Variants in PLCB1 observed in about 807,000 individuals in gnomAD.
The protein encoded by PLCB1 is phospholipase C beta 1, also known as 1-phosphatidylinositol 4,5-bisphosphate phosphodiesterase beta-1.
Under a neutral mutation model 161.8 loss-of-function variants are expected in PLCB1, and 46 were observed. That is an observed-to-expected ratio of 0.28 (90% CI 0.22 to 0.36). The LOEUF (loss-of-function observed/expected upper bound fraction) is 0.36. Ranked by LOEUF, PLCB1 falls within the 10% of genes least tolerant of loss-of-function variation. PLCB1 has a pLI of 1.00. For missense variants in PLCB1, 1,016 were observed against 1,472.5 expected (o/e 0.69, Z 5.07); for synonymous variants, 517 against 503.7 (o/e 1.03, Z -0.35).
At chr20:8,594,075 G>T (rs942849815) in intron 3 of PLCB1, among the ~76,000 whole-genome samples, 2 of 151,990 alleles carry the variant, frequency 1.3e-5, no homozygotes, top group Admixed American at 1.3e-4. Context: ...TATAGACAGG[G>T]TCTTGCTATA....
At chr20:8,362,071 T>C (rs1015023918) in intron 2 of PLCB1, among the ~76,000 whole-genome samples, 1 of 152,222 alleles carries the variant, frequency 6.6e-6, no homozygotes, top group South Asian at 2.1e-4. Flanking sequence ...TGATTTTTTT[T>C]AACTCTGAGT....
rs149588747 is a variant in PLCB1, at chr20:8,824,095, G to A, written c.3423+33834G>A. On this transcript the variant is annotated intron_variant, in intron 31 of 31. Transcript: ENST00000338037. ...AGCATTCAGACTGTCCATGCTACAT[G>A]TAGGATAACCAACAAACAAAATTGC... Among the ~76,000 whole-genome samples the A allele has an allele frequency of 7.2e-5, 11 of 152,168 alleles. No individual in the cohort carries two copies. The East Asian group carries it at 2.1e-3, about 30-fold the overall frequency.
At position 8,757,191 on chromosome 20, in the gene PLCB1, G is replaced by T; in HGVS notation, c.2656+13G>T. 1 of 1,604,362 alleles carries T rather than the reference G, an allele frequency of 6.2e-7. No homozygotes were observed. On this transcript the variant is annotated intron_variant, in intron 24 of 31. Transcript: ENST00000338037. Reference sequence around the variant, plus strand: ...CAGCCAGCTCCAGGTAAGCCATCTGGAAAGAGCTGGACAACATGAGCAAGA... The same window carrying T: ...CAGCCAGCTCCAGGTAAGCCATCTGTAAAGAGCTGGACAACATGAGCAAGA...
chr20:8,440,528 C>T (rs908472288), intron 3 of PLCB1, among the ~76,000 whole-genome samples: 2 of 152,156 alleles, frequency 1.3e-5, no homozygotes, highest in African/African-American at 4.8e-5. Context: ...TTTAACCAGT[C>T]CAGTTCTTGT....
chr20:8,172,973 T>G (rs1029669618), intron 2 of PLCB1, among the ~76,000 whole-genome samples: 1 of 152,180 alleles, frequency 6.6e-6, no homozygotes, highest in Non-Finnish European at 1.5e-5. Flanking sequence ...GTCCATCCAG[T>G]GTCAACAGGG....
At chr20:8,569,162 G>A (rs1188150869) in intron 3 of PLCB1, among the ~76,000 whole-genome samples, 3 of 152,188 alleles carry the variant, frequency 2.0e-5, no homozygotes. Flanking sequence ...AGTGCCTTTA[G>A]GCAGAAAGCT....
intron 31 of PLCB1, among the ~76,000 whole-genome samples, chr20:8,858,024 C>T (rs1987126257): frequency 6.6e-6 from 1 of 152,114 alleles, no homozygotes. Flanking sequence ...CAGTTTATCA[C>T]TTGCTTCTCA....
chr20:8,790,347 CTTG>C (rs1983694073), intron 31 of PLCB1, 86 bp downstream of exon 31: 1 of 947,050 alleles, frequency 1.1e-6, no homozygotes, highest in Non-Finnish European at 1.6e-6. Flanking sequence ...ACATAAGTAC[CTTG>C]TACACAGTCT....
chr20:8,327,840 T>C (rs1371273461), intron 2 of PLCB1, among the ~76,000 whole-genome samples: 1 of 152,146 alleles, frequency 6.6e-6, no homozygotes, highest in Non-Finnish European at 1.5e-5. Context: ...AATTATCTTG[T>C]AGTTCATTTC....
At chr20:8,618,681 C>T (rs1004003726) in intron 3 of PLCB1, among the ~76,000 whole-genome samples, 1 of 151,956 alleles carries the variant, frequency 6.6e-6, no homozygotes, top group Admixed American at 6.6e-5. Flanking sequence ...TTTGATGGAT[C>T]AATAGTAAGG....
chr20:8,166,123 A>G (rs2051672552), intron 2 of PLCB1, among the ~76,000 whole-genome samples: 1 of 152,058 alleles, frequency 6.6e-6, no homozygotes, highest in South Asian at 2.1e-4. Context: ...CTTGACCCTC[A>G]CTGGCTACTT....
chr20:8,667,255 C>A (rs1454693394), intron 9 of PLCB1, among the ~76,000 whole-genome samples: 1 of 152,180 alleles, frequency 6.6e-6, no homozygotes, highest in Non-Finnish European at 1.5e-5. Context: ...TGATCGAAAT[C>A]TCATTTAAAT....
intron 3 of PLCB1, among the ~76,000 whole-genome samples, chr20:8,480,575 G>A (rs1982459685): frequency 6.6e-6 from 1 of 152,150 alleles, no homozygotes; most frequent in African/African-American, 2.4e-5. Flanking sequence ...GGAGGGCTCT[G>A]TAACTGTTGA....
chr20:8,185,247 G>A (rs1485605639), intron 2 of PLCB1, among the ~76,000 whole-genome samples: 1 of 152,026 alleles, frequency 6.6e-6, no homozygotes, highest in Non-Finnish European at 1.5e-5. Context: ...TCTTTTCTGG[G>A]CATTTATCTT....
rs74920808 is a variant in PLCB1, at chr20:8,743,285, T to G, written c.2523+1712T>G. Among the ~76,000 whole-genome samples the G allele has an allele frequency of 2.6e-5, 4 of 152,230 alleles. No homozygotes were observed. In the East Asian group the frequency reaches 7.7e-4, roughly 29 times the overall value. ...AGAAGGGATGTTGAATTTTATCAAA[T>G]GCTTTTTCAACATCAATTGAAATGA... On this transcript the variant is annotated intron_variant, in intron 23 of 31. Transcript: ENST00000338037.
At chr20:8,290,360 G>A (rs1167280976) in intron 2 of PLCB1, among the ~76,000 whole-genome samples, 1 of 152,150 alleles carries the variant, frequency 6.6e-6, no homozygotes, top group Non-Finnish European at 1.5e-5. Flanking sequence ...GACAGGGAGA[G>A]GAGGAAGCCA....
intron 3 of PLCB1, among the ~76,000 whole-genome samples, chr20:8,540,240 C>A (rs1020640448): frequency 6.6e-6 from 1 of 152,008 alleles, no homozygotes; most frequent in Non-Finnish European, 1.5e-5. Flanking sequence ...GATGAATGAG[C>A]TATTACTTGA....
chr20:8,702,756 A>G (rs2123439919), intron 11 of PLCB1, among the ~76,000 whole-genome samples: 1 of 152,312 alleles, frequency 6.6e-6, no homozygotes, highest in African/African-American at 2.4e-5. Context: ...TCCAATGTCC[A>G]CCAATTACAG....
intron 2 of PLCB1, among the ~76,000 whole-genome samples, chr20:8,159,477 C>T (rs113490910): frequency 0.037 from 5,676 of 152,172 alleles, 148 homozygotes; most frequent in South Asian, 0.11. Context: ...TGCCCTGGAG[C>T]CATTTTCCCC....
Sources: allele counts gnomAD v4.1 joint callset (sites outside exome capture counted in the v4.1 genomes callset), GRCh38; gene constraint gnomAD v4.1.1; transcripts MANE v1.5; gene names NCBI Gene and HGNC (gene_info 2026-07-23, HGNC 2026-07-21).